The following CDC25A variants were observed in gnomAD, a reference collection of about 807,000 sequenced individuals.
The protein encoded by CDC25A is cell division cycle 25A, also known as M-phase inducer phosphatase 1.
In CDC25A, 17 loss-of-function variants were observed where a neutral mutation model predicts 64.6. The observed-to-expected ratio is 0.26, with a 90% confidence interval of 0.18 to 0.39. CDC25A has a LOEUF of 0.39. Among genes scored for constraint, CDC25A ranks in the 10% least tolerant of loss-of-function variants. The probability of loss-of-function intolerance (pLI) is 1.00; values close to 1 mark genes in which losing one functional copy is unlikely to be tolerated. For synonymous variants in CDC25A, 229 were observed against 238.6 expected (o/e 0.96, Z 0.37); for missense variants, 473 against 654.8 (o/e 0.72, Z 3.03).
intron 12 of CDC25A, 44 bp downstream of exon 12, chr3:48,165,592 T>C: frequency 7.3e-7 from 1 of 1,365,494 alleles, no homozygotes; most frequent in Non-Finnish European, 1.0e-6. Flanking sequence ...AAACCACAGA[T>C]CCTGTTTAGG....
intron 8 of CDC25A, 41 bp downstream of exon 8, chr3:48,177,330 A>C: frequency 6.8e-7 from 1 of 1,467,440 alleles, no homozygotes; most frequent in South Asian, 1.1e-5. Flanking sequence ...CCAGTGCCCC[A>C]ATCACGCAGG....
chr3:48,170,861 T>C (rs1188310580), intron 9 of CDC25A, among the ~76,000 whole-genome samples: 2 of 152,114 alleles, frequency 1.3e-5, no homozygotes, highest in African/African-American at 2.4e-5. Flanking sequence ...ACTAAATATA[T>C]ATTTCACAAT....
At chr3:48,163,798 T>C (rs1267619781) in intron 13 of CDC25A, among the ~76,000 whole-genome samples, 1 of 152,180 alleles carries the variant, frequency 6.6e-6, no homozygotes, top group Non-Finnish European at 1.5e-5. Context: ...TCTGCTGCAG[T>C]AGGGTCCTTG....
chr3:48,186,108 T>C lies in CDC25A; in HGVS notation c.247+595A>G, dbSNP rs112938341. ...TGACACTGTACTTCCAATCATTTGA[T>C]CCTGTATTTTAACCAGTAAGATTGC... On this transcript the variant is annotated intron_variant, in intron 2 of 14. Transcript: ENST00000302506. Among the ~76,000 whole-genome samples, 315 of 152,322 alleles carry C rather than the reference T, an allele frequency of 2.1e-3. 2 individuals carry two copies. Among genetic ancestry groups the C allele is most frequent in the African/African-American group, 6.8e-3 (281 of 41,566 alleles).
At position 48,180,725 on chromosome 3, in the gene CDC25A, C is replaced by A. The variant is rs762890600; in HGVS notation, c.545G>T (p.Arg182Leu). ...FTQRQNSAPARMLSSNERDSS... is the reference protein window; with the variant it reads ...FTQRQNSAPALMLSSNERDSS... ...TATGAAAGCCAGAGCACATACCATC[C>A]GAGCTGGGGCAGAGTTCTGCCTCTG... Residue 182 changes from arginine (R) to leucine (L), a missense_variant, in exon 6 of 15, where the codon CGG becomes CTG. Transcript: ENST00000302506. The A allele has an allele frequency of 9.3e-6, 15 of 1,613,864 alleles. No homozygotes were observed. The highest frequency in any genetic ancestry group is 1.3e-5 in the African/African-American group (1 of 74,918).
chr3:48,165,690 C>T lies in CDC25A; in HGVS notation c.1137G>A (p.Glu379=), dbSNP rs759488335. The change falls in exon 12 of 15, where the codon GAG becomes GAA. Residue 379 remains glutamate, a synonymous_variant. Transcript: ENST00000302506. ...LNGKFANLIK[E]FVIIDCRYPY... ...GGTATCGACAGTCGATGATAACAAA[C>T]TCTTTAATGAGGTTGGCAAACTTGC... The T allele has an allele frequency of 6.2e-7, 1 of 1,614,114 alleles. No homozygotes were observed. The highest frequency in any genetic ancestry group is 1.1e-5 in the South Asian group (1 of 91,072).
chr3:48,163,441 C>G (rs2031873360), intron 13 of CDC25A, among the ~76,000 whole-genome samples: 1 of 151,340 alleles, frequency 6.6e-6, no homozygotes, highest in African/African-American at 2.4e-5. Flanking sequence ...CCTGCCTCTA[C>G]TAAAAATACA....
chr3:48,159,449 C>T lies in CDC25A; in HGVS notation c.1329G>A (p.Arg443=). 3.1e-6 allele frequency: 5 copies of T among 1,612,552 alleles called. 1 individual carries two copies. The South Asian group carries it at 5.5e-5, about 18-fold the overall frequency. The change falls in exon 14 of 15, where the codon CGG becomes CGA. Residue 443 remains arginine (R), a synonymous_variant. Coordinates refer to ENST00000302506, the MANE Select transcript of CDC25A (RefSeq NM_001789.3). The part of the protein sequence containing the change: ...FSSERGPRMC[R]YVRERDRLGN... ...CCAGGCGATCTCTCTCTCTCACATA[C>T]CGGCACCTAGTCAGGGGAAGGAAGG... is the stretch of plus-strand genomic sequence containing the variant.
At position 48,174,426 on chromosome 3, in the gene CDC25A, G is replaced by C. The variant is rs1284058954; in HGVS notation, c.788C>G (p.Ser263Cys). 1.9e-6 allele frequency: 3 copies of C among 1,612,886 alleles called. No homozygotes were observed. The Admixed American group carries it at 5.0e-5, about 27-fold the overall frequency. ...TGACCGAGTGCTGGAGCTACACAGG[G>C]AAGGGGAGTCAAACAGCTTGCATCG... ...DNRCKLFDSP[S>C]LCSSSTRSVL... Residue 263 changes from serine (S) to cysteine (C), a missense_variant, in exon 9 of 15, where the codon TCC becomes TGC. By Grantham distance (112) the Ser-to-Cys change is moderately radical. Around this residue, in one of 2 missense-constraint regions of CDC25A, gnomAD observed 376 missense variants for 431.9 expected, o/e 0.87. Transcript: ENST00000302506.
chr3:48,184,878 A>C (rs1459341304), intron 2 of CDC25A, among the ~76,000 whole-genome samples, 183 bp from the exon 3 acceptor site: 1 of 152,164 alleles, frequency 6.6e-6, no homozygotes, highest in African/African-American at 2.4e-5. Context: ...ATGTTTGTAC[A>C]AGTCTTAATA....
chr3:48,160,800 C>T (rs1481587931), intron 13 of CDC25A, among the ~76,000 whole-genome samples: 1 of 152,112 alleles, frequency 6.6e-6, no homozygotes, highest in Admixed American at 6.6e-5. Context: ...TTGTTAGCTG[C>T]TCATGAGGGA....
intron 4 of CDC25A, 25 bp from the exon 5 acceptor site, chr3:48,183,055 A>C: frequency 6.7e-7 from 1 of 1,488,294 alleles, no homozygotes; most frequent in Non-Finnish European, 9.4e-7. Flanking sequence ...AAGGAAAATA[A>C]TTAAGGCACA....
At chr3:48,162,627 C>T (rs141941547) in intron 13 of CDC25A, among the ~76,000 whole-genome samples, 11 of 151,840 alleles carry the variant, frequency 7.2e-5, no homozygotes, top group Non-Finnish European at 1.5e-4. Context: ...ACGGGCAGAT[C>T]GCAAGGTCAG....
At chr3:48,187,740 C>T (rs1310805426) in intron 1 of CDC25A, 38 bp downstream of exon 1, 1 of 1,520,686 alleles carries the variant, frequency 6.6e-7, no homozygotes, top group African/African-American at 1.4e-5. Context: ...GACACCGAGG[C>T]CAGGGGCCCG....
Position 48,177,987 on chromosome 3 carries a change from A to C in CDC25A, c.551T>G (p.Leu184Arg). 1 of 1,608,122 alleles carries C rather than the reference A, an allele frequency of 6.2e-7. No individual in the cohort carries two copies. Among genetic ancestry groups the C allele is most frequent in the South Asian group, 1.1e-5 (1 of 90,452 alleles). Residue 184 changes from leucine (L) to arginine (R), a missense_variant and splice_region_variant, in exon 7 of 15, where the codon CTT becomes CGT. Physicochemically the swap from Leu to Arg is moderately radical, Grantham distance 102. Around this residue, in one of 2 missense-constraint regions of CDC25A, gnomAD observed 376 missense variants for 431.9 expected, o/e 0.87. Coordinates refer to ENST00000302506, the MANE Select transcript of CDC25A (RefSeq NM_001789.3). ...QRQNSAPARM[L>R]SSNERDSSEP... ...ACTGCTATCTCTTTCATTTGAGGAA[A>C]GCTGTAAGACAAAATTCATGGATTA...
chr3:48,186,111 T>C (rs779334249), intron 2 of CDC25A, among the ~76,000 whole-genome samples: 1 of 152,252 alleles, frequency 6.6e-6, no homozygotes, highest in Non-Finnish European at 1.5e-5. Flanking sequence ...CATTTGATCC[T>C]GTATTTTAAC....
At chr3:48,170,471 G>A (rs2032226378) in intron 9 of CDC25A, among the ~76,000 whole-genome samples, 1 of 152,184 alleles carries the variant, frequency 6.6e-6, no homozygotes, top group Non-Finnish European at 1.5e-5. Flanking sequence ...AAAGGATATA[G>A]AAGAAGACAT....
intron 9 of CDC25A, among the ~76,000 whole-genome samples, chr3:48,172,958 G>A (rs1265931771): frequency 3.3e-5 from 5 of 152,104 alleles, no homozygotes; most frequent in Admixed American, 6.6e-5. Context: ...AGTGGCTCAC[G>A]CCTGTAATTC....
intron 9 of CDC25A, among the ~76,000 whole-genome samples, chr3:48,168,359 T>G (rs1194675809): frequency 2.0e-5 from 1 of 49,868 alleles, no homozygotes; most frequent in Non-Finnish European, 3.7e-5. Context: ...CAAGACCCTG[T>G]CCACACACAC....
Sources: gnomAD v4.1 joint callset for allele counts (sites outside exome capture counted in the v4.1 genomes callset) on GRCh38, gnomAD v4.1.1 for gene constraint, gnomAD v4.1.1 regional missense constraint, MANE v1.5 for transcripts, NCBI Gene and HGNC (gene_info 2026-07-23, HGNC 2026-07-21) for gene names.